Variants in TRIM37 observed in about 807,000 individuals in gnomAD.
TRIM37 encodes the protein tripartite motif containing 37, also known as E3 ubiquitin-protein ligase TRIM37.
TRIM37 carries 80 observed loss-of-function variants against 129.8 expected under a neutral mutation model. The ratio of observed to expected loss-of-function variants is 0.62; its 90% CI spans 0.51 to 0.74. The LOEUF is 0.74. TRIM37 is among the 30% of genes least tolerant of loss of function. The pLI, the probability that TRIM37 is intolerant of heterozygous loss-of-function variation, is 0.00. For synonymous variants in TRIM37, 389 were observed against 387.1 expected (o/e 1.00, Z -0.06); for missense variants, 1,054 against 1,176.5 (o/e 0.90, Z 1.52).
At chr17:58,980,209 G>A (rs779202640), downstream of TRIM37, 720 of 1,614,028 alleles carry the variant, frequency 4.5e-4, 1 homozygote, top group Non-Finnish European at 5.8e-4. This position sits in a 1 kb window ranked among gnomAD's most constrained non-coding sequence, Gnocchi z 4.7. Flanking sequence ...ATAACATCAC[G>A]GTTATTGTGG....
At chr17:59,104,551 C>T (rs1417650652) in intron 1 of TRIM37, 157 bp from the exon 2 acceptor site, 2 of 784,644 alleles carry the variant, frequency 2.5e-6, no homozygotes, top group African/African-American at 3.4e-5. Context: ...ATACAGAGTA[C>T]CTCAAAACAT....
rs869221576 is a variant in TRIM37, at chr17:59,056,716, CAAAAAAAAAAAAAA to C, written c.1199+145_1199+158del. On this transcript the variant is annotated intron_variant, in intron 13 of 23. Coordinates refer to ENST00000262294, the MANE Select transcript of TRIM37 (RefSeq NM_015294.6). ...GGGCGACAGAGCGAGACTATGTCTC[CAAAAAAAAAAAAAA>C]AAAAAAAAAAAAAAAAAGGTGATAA... is the stretch of plus-strand genomic sequence containing the variant. Among the ~76,000 whole-genome samples, 53 of 38,050 alleles carry C rather than the reference CAAAAAAAAAAAAAA, an allele frequency of 1.4e-3. 2 individuals carry two copies. Among genetic ancestry groups the C allele is most frequent in the Admixed American group, 5.3e-3 (10 of 1,900 alleles). The allele number at this position is 38,050 out of a possible 152,430, so 25.0% of individuals were successfully genotyped here. A position where few individuals can be genotyped will look rare whatever the true frequency, so the allele number is the denominator to read the frequency against.
chr17:59,062,040 A>C (rs1001609379), intron 11 of TRIM37, among the ~76,000 whole-genome samples: 1 of 152,152 alleles, frequency 6.6e-6, no homozygotes, highest in African/African-American at 2.4e-5. Flanking sequence ...AAAAAAAAAA[A>C]AATAATCTGA....
intron 19 of TRIM37, among the ~76,000 whole-genome samples, chr17:59,023,376 CTTTT>C (rs1245227479): frequency 6.6e-6 from 1 of 152,078 alleles, no homozygotes; most frequent in Non-Finnish European, 1.5e-5. Flanking sequence ...TTGCACACAG[CTTTT>C]TTAACTTGAT....
chr17:58,968,402 G>A, the TRIM37 span, among the ~76,000 whole-genome samples: 11 of 152,250 alleles, frequency 7.2e-5, no homozygotes, highest in South Asian at 2.3e-3. Flanking sequence ...CCTAGCCTGG[G>A]TGTCAAAGTG....
intron 17 of TRIM37, among the ~76,000 whole-genome samples, chr17:59,041,109 A>G (rs2039105582): frequency 6.6e-6 from 1 of 152,234 alleles, no homozygotes; most frequent in Non-Finnish European, 1.5e-5. Flanking sequence ...GGTAAAACAG[A>G]AACAGTAGAA....
At chr17:58,980,017 T>C, downstream of TRIM37, 1 of 1,614,160 alleles carries the variant, frequency 6.2e-7, no homozygotes, top group Non-Finnish European at 8.5e-7. This position sits in a 1 kb window ranked among gnomAD's most constrained non-coding sequence, Gnocchi z 4.7. Context: ...ATGCAGATTC[T>C]GCCTCCACTG....
chr17:59,010,712 C>G (rs934705576), intron 22 of TRIM37, among the ~76,000 whole-genome samples: 1 of 151,902 alleles, frequency 6.6e-6, no homozygotes, highest in Non-Finnish European at 1.5e-5. Context: ...AGGCTGGTCT[C>G]GAACTCCTGA....
chr17:59,066,762 A>G (rs577384596), intron 9 of TRIM37, among the ~76,000 whole-genome samples: 2 of 152,206 alleles, frequency 1.3e-5, no homozygotes, highest in African/African-American at 4.8e-5. Context: ...GGGCAGCATT[A>G]AACAGGATAC....
At chr17:59,026,815 C>T (rs769039977) in intron 19 of TRIM37, among the ~76,000 whole-genome samples, 2 of 152,222 alleles carry the variant, frequency 1.3e-5, no homozygotes, top group Non-Finnish European at 2.9e-5. Context: ...GGCCTCTTGC[C>T]TTGACACTTC....
At chr17:59,049,490 A>C in intron 14 of TRIM37, 97 bp from the exon 15 acceptor site, 1 of 1,057,068 alleles carries the variant, frequency 9.5e-7, no homozygotes, top group Non-Finnish European at 1.4e-6. Context: ...TGTTTCTAAA[A>C]CCATTGCTTT....
chr17:59,082,392 TTA>T (rs1334900659), intron 5 of TRIM37, among the ~76,000 whole-genome samples: 1 of 152,224 alleles, frequency 6.6e-6, no homozygotes, highest in Non-Finnish European at 1.5e-5. Context: ...GCTGCTATAG[TTA>T]TGCATCCTCA....
intron 24 of TRIM37, among the ~76,000 whole-genome samples, chr17:58,987,725 G>C (rs1241702188): frequency 6.6e-6 from 1 of 151,816 alleles, no homozygotes; most frequent in Non-Finnish European, 1.5e-5. Flanking sequence ...TAGCTCTTGG[G>C]GTTTTCTATT....
At chr17:58,976,958 TGAA>T in the TRIM37 span, among the ~76,000 whole-genome samples, 1 of 152,246 alleles carries the variant, frequency 6.6e-6, no homozygotes, top group South Asian at 2.1e-4. Context: ...AGTAAATTGG[TGAA>T]GGACACTGAA....
chr17:58,996,720 G>A (rs533405338), downstream of TRIM37, among the ~76,000 whole-genome samples: 22 of 150,402 alleles, frequency 1.5e-4, no homozygotes, highest in Non-Finnish European at 2.5e-4. Flanking sequence ...AGTGAGCCAA[G>A]CTGGTGCCAC....
At chr17:59,018,129 C>T (rs1892088591) in intron 19 of TRIM37, among the ~76,000 whole-genome samples, 1 of 151,896 alleles carries the variant, frequency 6.6e-6, no homozygotes, top group South Asian at 2.1e-4. Flanking sequence ...TGTGGCCAAA[C>T]CAGTAGTGAA....
intron 3 of TRIM37, among the ~76,000 whole-genome samples, chr17:59,088,685 T>C (rs1250047421): frequency 6.6e-6 from 1 of 151,906 alleles, no homozygotes; most frequent in Non-Finnish European, 1.5e-5. Flanking sequence ...CCCAGCTAAT[T>C]TTAAAATTTT....
chr17:59,025,880 G>T (rs2037196288), intron 19 of TRIM37, among the ~76,000 whole-genome samples: 1 of 152,048 alleles, frequency 6.6e-6, no homozygotes, highest in Non-Finnish European at 1.5e-5. Flanking sequence ...TAGCAGGTGA[G>T]GCCGAATATC....
rs557997620 is a variant in TRIM37, at chr17:59,027,362, T to C, written c.2257+1053A>G. The stretch of plus-strand genomic sequence containing the variant: ...CTTAGTTTCTTTCTAAATAGAACTT[T>C]CCTAAAATTCTATTTAGGCTTTTTC... On this transcript the variant is annotated intron_variant, in intron 19 of 23. Transcript: ENST00000262294. Among the ~76,000 whole-genome samples, 45 of 152,352 alleles carry C rather than the reference T, an allele frequency of 3.0e-4. No individual in the cohort carries two copies. In the South Asian group the frequency reaches 9.1e-3, roughly 31 times the overall value.
Sources: gnomAD v4.1 joint callset for allele counts (sites outside exome capture counted in the v4.1 genomes callset) on GRCh38, gnomAD v4.1.1 for gene constraint, Gnocchi (gnomAD v3.1) non-coding constraint, MANE v1.5 for transcripts, NCBI Gene and HGNC (gene_info 2026-07-23, HGNC 2026-07-21) for gene names.